Variants in APOL5 observed in about 807,000 individuals in gnomAD.
The protein encoded by APOL5 is apolipoprotein L5.
Under a neutral mutation model 35.5 loss-of-function variants are expected in APOL5, and 29 were observed. That is an observed-to-expected ratio of 0.82 (90% CI 0.61 to 1.11). APOL5 has a LOEUF of 1.11. Among genes scored for constraint, APOL5 ranks in the 50% most tolerant of loss-of-function variants. APOL5 has a pLI of 0.00. For missense variants in APOL5, 514 were observed against 530.4 expected (o/e 0.97, Z 0.30); for synonymous variants, 188 against 200.2 (o/e 0.94, Z 0.51).
chr22:35,728,358 G>C (rs372756754), intron 3 of APOL5, among the ~76,000 whole-genome samples: 26 of 152,234 alleles, frequency 1.7e-4, no homozygotes, highest in African/African-American at 5.5e-4. Flanking sequence ...CGAGTAGCTG[G>C]GACTACAGGC....
upstream of APOL5, among the ~76,000 whole-genome samples, chr22:35,717,235 A>AAAAAAAAAAAAAAAAAATATGTATATAT: frequency 1.7e-5 from 1 of 57,664 alleles, no homozygotes; most frequent in Non-Finnish European, 3.1e-5. Flanking sequence ...AAAAAAAAAA[A>AAAAAAAAAAAAAAAAAATATGTATATAT]ATATATATAT....
At chr22:35,717,502 G>A (rs1926793422), upstream of APOL5, among the ~76,000 whole-genome samples, 1 of 150,980 alleles carries the variant, frequency 6.6e-6, no homozygotes, top group Non-Finnish European at 1.5e-5. Flanking sequence ...CATTTTGAGA[G>A]GCCAAGGCGG....
intron 3 of APOL5, among the ~76,000 whole-genome samples, chr22:35,728,414 A>G (rs937400728): frequency 6.6e-5 from 10 of 152,142 alleles, no homozygotes; most frequent in Middle Eastern, 6.8e-3. Flanking sequence ...TAGTAGAGAC[A>G]GGGTTTCACC....
rs1337277070 is a variant in APOL5, at chr22:35,728,811, C to G, written c.1215C>G (p.Val405=). 6.2e-7 allele frequency: 1 copy of G among 1,613,468 alleles called. No individual in the cohort carries two copies. The highest frequency in any genetic ancestry group is 8.5e-7 in the Non-Finnish European group (1 of 1,179,774). The change falls in exon 4 of 5, where the codon GTC becomes GTG. Residue 405 remains valine, a synonymous_variant. Coordinates refer to ENST00000249044, the MANE Select transcript of APOL5 (RefSeq NM_030642.1). The part of the protein sequence containing the change: ...GVALRTPKRT[V]SAPRMLGHQP... Reference sequence around the variant, plus strand: ...CACTGAGGACACCAAAGAGGACAGTCTCTGCCCCAAGGATGCTTGGCCACC... The same window carrying G: ...CACTGAGGACACCAAAGAGGACAGTGTCTGCCCCAAGGATGCTTGGCCACC...
chr22:35,728,596 G>C, intron 3 of APOL5, 127 bp from the exon 4 acceptor site: 1 of 1,054,232 alleles, frequency 9.5e-7, no homozygotes, highest in Admixed American at 3.1e-5. Flanking sequence ...GCCCTGGGGC[G>C]GGAGGGGTTT....
rs748708682 is a variant in APOL5, at chr22:35,727,196, T to C, written c.1126+2T>C. The C allele has an allele frequency of 2.6e-5, 42 of 1,593,402 alleles. No individual in the cohort carries two copies. The highest frequency in any genetic ancestry group is 3.1e-5 in the Non-Finnish European group (36 of 1,175,612). On this transcript the variant is annotated splice_donor_variant, in intron 3 of 4. Transcript: ENST00000249044. LOFTEE classifies it high-confidence loss of function. ...GATCCCGTGTGGTTAAACCAGAAGG[T>C]AGGAAGGCAGCGAATAACACGGACG... is the stretch of plus-strand genomic sequence containing the variant.
At chr22:35,725,965 T>A (rs1007756690) in intron 2 of APOL5, among the ~76,000 whole-genome samples, 1 of 152,226 alleles carries the variant, frequency 6.6e-6, no homozygotes, top group East Asian at 1.9e-4. Context: ...TGTTATCATC[T>A]TTGTTTCAAA....
rs574959425 is a variant in APOL5, at chr22:35,725,642, T to C, written c.143-569T>C. On this transcript the variant is annotated intron_variant, in intron 2 of 4. Transcript: ENST00000249044. ...ATCGCTGGGGTTGAAGCTGAAATCA[T>C]AGGATGTCGAAGTCGCCCTCTTGCG... Among the ~76,000 whole-genome samples, 8 of 152,004 alleles carry C rather than the reference T, an allele frequency of 5.3e-5. No individual in the cohort carries two copies. The South Asian group carries it at 6.3e-4, about 12-fold the overall frequency.
chr22:35,726,326 CAA>C lies in APOL5; in HGVS notation c.260_261del (p.Lys87ArgfsTer25). The C allele has an allele frequency of 6.2e-7, 1 of 1,614,170 alleles. No individual in the cohort carries two copies. ...TGTTTGAAGAGCTGATGCGATGTGA[CAA>C]AGATTCCATGCCAGATGGAAATCTG... ...FLFEELMRCD[K>X]DSMPDGNLSE... On this transcript the variant is annotated frameshift_variant, in exon 3 of 5. Coordinates refer to ENST00000249044, the MANE Select transcript of APOL5 (RefSeq NM_030642.1). LOFTEE classifies it high-confidence loss of function.
chr22:35,723,868 A>T (rs1309909509), intron 2 of APOL5, among the ~76,000 whole-genome samples: 1 of 152,206 alleles, frequency 6.6e-6, no homozygotes, highest in African/African-American at 2.4e-5. Flanking sequence ...GAGGCAGAAG[A>T]ATGGCTTGAA....
chr22:35,721,217 G>C (rs5995160), intron 2 of APOL5, among the ~76,000 whole-genome samples: 1 of 151,932 alleles, frequency 6.6e-6, no homozygotes, highest in Admixed American at 6.6e-5. Flanking sequence ...GTACACATCC[G>C]CATAAAAAAT....
chr22:35,722,295 T>A (rs935694462), intron 2 of APOL5, among the ~76,000 whole-genome samples: 2 of 152,124 alleles, frequency 1.3e-5, no homozygotes, highest in African/African-American at 4.8e-5. Flanking sequence ...AATCAGCCAG[T>A]GGTTGAGGCA....
chr22:35,724,332 G>T (rs2146002108), intron 2 of APOL5, among the ~76,000 whole-genome samples: 1 of 146,514 alleles, frequency 6.8e-6, no homozygotes, highest in South Asian at 2.2e-4. Flanking sequence ...GTTTCCCGAT[G>T]TCCCAGGTTC....
rs759274718 is a variant in APOL5 at position 35,717,898 on chromosome 22, G to C, written c.27G>C (p.Leu9Phe). 1 of 1,589,002 alleles carries C rather than the reference G, an allele frequency of 6.3e-7. No individual in the cohort carries two copies. Among genetic ancestry groups the C allele is most frequent in the Non-Finnish European group, 8.6e-7 (1 of 1,167,750 alleles). The change falls in exon 1 of 5, where the codon TTG becomes TTC. Residue 9 changes from leucine to phenylalanine, a missense_variant. Transcript: ENST00000249044. MPCGKQGN[L>F]QVPGSKVLPG... Reference sequence around the variant, plus strand: ...TGCCATGTGGCAAACAAGGAAATTTGCAAGTTCCCGGTTCCAAGGTGTTAC... The same window carrying C: ...TGCCATGTGGCAAACAAGGAAATTTCCAAGTTCCCGGTTCCAAGGTGTTAC...
chr22:35,725,036 A>G (rs540562972), intron 2 of APOL5, among the ~76,000 whole-genome samples: 1 of 152,236 alleles, frequency 6.6e-6, no homozygotes, highest in Admixed American at 6.5e-5. Flanking sequence ...ACCCCCACCC[A>G]GGGCTCCAGG....
At chr22:35,713,705 A>G (rs1466757204), upstream of APOL5, among the ~76,000 whole-genome samples, 4 of 152,148 alleles carry the variant, frequency 2.6e-5, 1 homozygote, top group Admixed American at 2.0e-4. Flanking sequence ...CCTCAGAGAT[A>G]CCATGACTGC....
intron 2 of APOL5, among the ~76,000 whole-genome samples, chr22:35,722,478 T>C (rs1927005582): frequency 6.6e-6 from 1 of 152,196 alleles, no homozygotes; most frequent in South Asian, 2.1e-4. Context: ...AATTTTTGTA[T>C]TTTTAGTAGA....
intron 1 of APOL5, among the ~76,000 whole-genome samples, chr22:35,718,491 AC>A (rs559971250): frequency 1.8e-3 from 270 of 149,734 alleles, no homozygotes; most frequent in African/African-American, 6.4e-3. Flanking sequence ...GGTAGTGCAC[AC>A]CTGTAGTCCC....
At chr22:35,714,518 G>A (rs193043233), upstream of APOL5, among the ~76,000 whole-genome samples, 4 of 152,296 alleles carry the variant, frequency 2.6e-5, no homozygotes, top group Non-Finnish European at 4.4e-5. Context: ...ATGGCAAACA[G>A]TAGTAGCAGA....
Sources: allele counts gnomAD v4.1 joint callset (sites outside exome capture counted in the v4.1 genomes callset), GRCh38; gene constraint gnomAD v4.1.1; transcripts MANE v1.5; gene names NCBI Gene and HGNC (gene_info 2026-07-23, HGNC 2026-07-21).